The following RBM6 variants were observed in gnomAD, a reference collection of about 807,000 sequenced individuals.
RBM6 encodes the protein RNA binding motif protein 6, also known as RNA-binding protein 6.
Under a neutral mutation model 140.4 loss-of-function variants are expected in RBM6, and 23 were observed. The observed-to-expected ratio is 0.16, with a 90% CI of 0.12 to 0.23. The LOEUF is 0.23. RBM6 is among the 10% of genes least tolerant of loss of function. The probability of loss-of-function intolerance (pLI) is 1.00; values close to 1 mark genes in which losing one functional copy is unlikely to be tolerated. For missense variants in RBM6, 1,139 were observed against 1,386.7 expected (o/e 0.82, Z 2.84); for synonymous variants, 439 against 475.6 (o/e 0.92, Z 1.00).
chr3:50,077,055 C>G lies in RBM6; in HGVS notation c.3294C>G (p.Thr1098=). The change falls in exon 21 of 21, where the codon ACC becomes ACG. Residue 1098 remains threonine (T), a synonymous_variant. Coordinates refer to ENST00000266022, the MANE Select transcript of RBM6 (RefSeq NM_005777.3). ...CCAGTGTTGGAGCCTCAGGAAGAAC[C>G]AGCAAAAGACAGTCCAACGAGACTT... The part of the protein sequence containing the change: ...RGPSVGASGR[T]SKRQSNETYR... 4.3e-6 allele frequency: 7 copies of G among 1,613,006 alleles called. No homozygotes were observed. Among genetic ancestry groups the G allele is most frequent in the Non-Finnish European group, 5.9e-6 (7 of 1,179,820 alleles).
At chr3:49,947,885 A>G (rs1371296204) in intron 1 of RBM6, among the ~76,000 whole-genome samples, 1 of 152,272 alleles carries the variant, frequency 6.6e-6, no homozygotes, top group East Asian at 1.9e-4. Context: ...TCAGTTGACT[A>G]AAGTTCAAGA....
chr3:49,986,433 A>G (rs959470257), intron 5 of RBM6, among the ~76,000 whole-genome samples: 4 of 151,702 alleles, frequency 2.6e-5, no homozygotes, highest in Non-Finnish European at 5.9e-5. Flanking sequence ...TCTGTACTAA[A>G]AAATACAAAA....
chr3:50,077,149 C>T lies in RBM6; in HGVS notation c.*16C>T. The T allele has an allele frequency of 6.2e-7, 1 of 1,605,616 alleles. No individual in the cohort carries two copies. The highest frequency in any genetic ancestry group is 8.5e-7 in the Non-Finnish European group (1 of 1,176,812). Reference sequence around the variant, plus strand: ...ACTCGATTAAGAAAGGAGACAAGTTCCATGGGATACAACCTCCCTCTTGTT... The same window carrying T: ...ACTCGATTAAGAAAGGAGACAAGTTTCATGGGATACAACCTCCCTCTTGTT... On this transcript the variant is annotated 3_prime_UTR_variant, in exon 21 of 21. Transcript: ENST00000266022.
intron 20 of RBM6, among the ~76,000 whole-genome samples, chr3:50,076,454 C>T (rs919350303): frequency 3.3e-5 from 5 of 151,550 alleles, no homozygotes; most frequent in South Asian, 2.1e-4. Context: ...CAGTGGCGCG[C>T]GCCTGTAATC....
rs138009227 is a variant in RBM6, at chr3:50,061,377, C to A, written c.2354-85C>A. On this transcript the variant is annotated intron_variant, in intron 13 of 20. Transcript: ENST00000266022. ...TAGATGCACCTATTTGTGTTGGTCACCCTAATTCTTGGGTTCTTGATGAGT... is the reference window on the plus strand; with the variant it reads ...TAGATGCACCTATTTGTGTTGGTCAACCTAATTCTTGGGTTCTTGATGAGT... The A allele has an allele frequency of 3.5e-4, 558 of 1,578,196 alleles. 3 individuals are homozygous for A. The African/African-American group carries it at 6.6e-3, about 19-fold the overall frequency.
chr3:49,946,395 C>T (rs945947441), intron 1 of RBM6, among the ~76,000 whole-genome samples: 2 of 151,958 alleles, frequency 1.3e-5, no homozygotes, highest in African/African-American at 2.4e-5. Context: ...CAGCCGCCAC[C>T]GTGCCCAGCT....
Position 50,048,315 on chromosome 3 carries a change from A to C in RBM6, c.1628A>C (p.Lys543Thr). 6.2e-7 allele frequency: 1 copy of C among 1,612,140 alleles called. No homozygotes were observed. Among genetic ancestry groups the C allele is most frequent in the Non-Finnish European group, 8.5e-7 (1 of 1,179,096 alleles). The change falls in exon 7 of 21, where the codon AAA becomes ACA. Residue 543 changes from lysine to threonine, a missense_variant. Coordinates refer to ENST00000266022, the MANE Select transcript of RBM6 (RefSeq NM_005777.3). ...YVSSLDFWYC[K>T]RCKANIGGHR... ...TCAAGCCTGGATTTTTGGTACTGCA[A>C]ACGAGTAAGTACCAAGAATCCCTTT...
Position 49,962,444 on chromosome 3 carries a change from GAAAA to G in RBM6, c.-66-131_-66-128del, listed in dbSNP as rs1370997800. 9 of 532,620 alleles carry G rather than the reference GAAAA, an allele frequency of 1.7e-5. No homozygotes were observed. The Admixed American group carries it at 2.9e-4, about 17-fold the overall frequency. 33.0% of individuals were successfully genotyped at this position (532,620 alleles called of 1,614,324 possible). ...GAGACTCCATCTCAAAAAAAAAAAA[GAAAA>G]GAAAGAAAAGAAAGACCTTCAAAAT... On this transcript the variant is annotated intron_variant, in intron 1 of 20. Coordinates refer to ENST00000266022, the MANE Select transcript of RBM6 (RefSeq NM_005777.3).
chr3:49,943,542 C>T (rs2083372858), intron 1 of RBM6, among the ~76,000 whole-genome samples: 1 of 152,148 alleles, frequency 6.6e-6, no homozygotes, highest in Non-Finnish European at 1.5e-5. Context: ...CTCCTGAGTT[C>T]AAGTGATCCT....
rs755787330 is a variant in RBM6, at chr3:49,967,786, C to A, written c.361C>A (p.His121Asn). The change falls in exon 3 of 21, where the codon CAT (histidine) becomes AAT (asparagine). Residue 121 changes from histidine (H) to asparagine (N), a missense_variant. Coordinates refer to ENST00000266022, the MANE Select transcript of RBM6 (RefSeq NM_005777.3). This position sits in a 1 kb window ranked among gnomAD's most constrained non-coding sequence, Gnocchi z 4.0. ...GTTGGACTTCAGGGGTAGGGACATA[C>A]ATTCTGGGGATTTTCGGGATAGAGA... ...SQLDFRGRDI[H>N]SGDFRDREGP... is the part of the protein sequence containing the mutation. 6.2e-7 allele frequency: 1 copy of A among 1,613,868 alleles called. No homozygotes were observed. The highest frequency in any genetic ancestry group is 8.5e-7 in the Non-Finnish European group (1 of 1,180,030).
intron 6 of RBM6, among the ~76,000 whole-genome samples, chr3:50,012,873 A>G (rs1208978562): frequency 2.7e-5 from 4 of 150,420 alleles, no homozygotes; most frequent in African/African-American, 9.8e-5. Context: ...CTCCCAAGTA[A>G]TTGGGATTAC....
At chr3:49,987,903 G>A (rs986789977) in intron 5 of RBM6, among the ~76,000 whole-genome samples, 11 of 152,046 alleles carry the variant, frequency 7.2e-5, no homozygotes, top group African/African-American at 2.2e-4. Context: ...CCTCCCAAGC[G>A]TGGGGATTAC....
chr3:50,049,527 C>T (rs553182876), intron 7 of RBM6, among the ~76,000 whole-genome samples: 3 of 151,562 alleles, frequency 2.0e-5, no homozygotes, highest in East Asian at 3.9e-4. Context: ...TTCTGAGCCC[C>T]GACACACTAA....
At chr3:49,993,287 AT>A (rs1160458105) in intron 5 of RBM6, among the ~76,000 whole-genome samples, 1 of 152,162 alleles carries the variant, frequency 6.6e-6, no homozygotes, top group Non-Finnish European at 1.5e-5. Flanking sequence ...AAACAAACAA[AT>A]TTTTTTCTTT....
intron 4 of RBM6, among the ~76,000 whole-genome samples, chr3:49,974,334 G>A (rs72942357): frequency 8.6e-5 from 13 of 151,634 alleles, no homozygotes; most frequent in Admixed American, 2.6e-4. Flanking sequence ...ATCCTCCCGA[G>A]TAGCTGGGAT....
chr3:50,067,038 T>C (rs1222857531), intron 17 of RBM6, among the ~76,000 whole-genome samples: 1 of 150,918 alleles, frequency 6.6e-6, no homozygotes, highest in Non-Finnish European at 1.5e-5. Flanking sequence ...AATACAAAAA[T>C]TACCTGGATG....
intron 6 of RBM6, among the ~76,000 whole-genome samples, chr3:50,013,909 A>G (rs773770485): frequency 6.6e-6 from 1 of 152,138 alleles, no homozygotes; most frequent in Non-Finnish European, 1.5e-5. Flanking sequence ...ATGTCTGGAG[A>G]CATTTTTGGT....
chr3:49,947,264 G>C (rs9818879), intron 1 of RBM6, among the ~76,000 whole-genome samples: 240 of 4,612 alleles, frequency 0.052, 2 homozygotes, highest in African/African-American at 0.16. Flanking sequence ...AAAAAAAAAG[G>C]GGGGGGGGGG....
At chr3:50,007,924 G>A (rs2086662632) in intron 6 of RBM6, among the ~76,000 whole-genome samples, 1 of 152,174 alleles carries the variant, frequency 6.6e-6, no homozygotes, top group Non-Finnish European at 1.5e-5. Context: ...CTAGCCTGTG[G>A]CTTTAAAACC....
Sources: allele counts gnomAD v4.1 joint callset (sites outside exome capture counted in the v4.1 genomes callset), GRCh38; gene constraint gnomAD v4.1.1; non-coding constraint Gnocchi (gnomAD v3.1); transcripts MANE v1.5; gene names NCBI Gene and HGNC (gene_info 2026-07-23, HGNC 2026-07-21).